The following PC variants were observed in gnomAD, a reference collection of about 807,000 sequenced individuals.
The protein encoded by PC is pyruvate carboxylase, mitochondrial.
A neutral mutation model predicts 107.8 loss-of-function variants in PC; 46 were observed. The ratio of observed to expected loss-of-function variants is 0.43; its 90% confidence interval spans 0.34 to 0.55. The LOEUF is 0.55. PC is among the 20% of genes least tolerant of loss of function. The probability of loss-of-function intolerance (pLI) is 0.04; values close to 1 mark genes in which losing one functional copy is unlikely to be tolerated. For missense variants in PC, 1,241 were observed against 1,643.1 expected, an observed-to-expected ratio of 0.76 and a Z score of 4.23; for synonymous variants, 662 against 684.7, an observed-to-expected ratio of 0.97 and a Z score of 0.52.
chr11:66,949,892 G>A (rs191201484), intron 3 of PC, among the ~76,000 whole-genome samples: 52 of 152,168 alleles, frequency 3.4e-4, no homozygotes, highest in Non-Finnish European at 4.7e-4. Context: ...AAATCCAGGG[G>A]TAGGAGTGGG....
intron 3 of PC, among the ~76,000 whole-genome samples, chr11:66,904,456 C>T (rs7930711): frequency 0.91 from 139,092 of 152,244 alleles, 63,719 homozygotes; most frequent in South Asian, 0.96. Context: ...CTGGGCAATA[C>T]GGTGAAACTC....
At chr11:66,890,119 C>T (rs1046603740) in intron 3 of PC, among the ~76,000 whole-genome samples, 3 of 152,094 alleles carry the variant, frequency 2.0e-5, no homozygotes, top group Non-Finnish European at 2.9e-5. Context: ...GGTGGGGCCT[C>T]GGGGAGAAGA....
intron 3 of PC, among the ~76,000 whole-genome samples, chr11:66,898,900 G>A (rs745505351): frequency 2.6e-5 from 4 of 151,710 alleles, no homozygotes; most frequent in Non-Finnish European, 4.4e-5. Flanking sequence ...ATGGAGTTTC[G>A]CTCTTGTTGC....
chr11:66,908,614 G>A (rs1948238459), intron 3 of PC, among the ~76,000 whole-genome samples: 1 of 152,166 alleles, frequency 6.6e-6, no homozygotes, highest in African/African-American at 2.4e-5. Context: ...CCTTGGAGGA[G>A]GCACAGTCAA....
At chr11:66,920,648 C>A (rs1948572207) in intron 3 of PC, among the ~76,000 whole-genome samples, 2 of 152,168 alleles carry the variant, frequency 1.3e-5, no homozygotes, top group Admixed American at 6.6e-5. Flanking sequence ...TCCAAGCAGC[C>A]TCCCCGCCTT....
rs753688182 is a variant in PC, at chr11:66,858,645, C to T, written c.1368+5129G>A. The stretch of plus-strand genomic sequence containing the variant: ...GCTGGAAGGCCAGCGGGCCACGCTG[C>T]GGTGCCGGGCCCTGGGTGACCCCGC... On this transcript the variant is annotated intron_variant, in intron 12 of 22. Transcript: ENST00000393960. This position sits in a 1 kb window ranked among gnomAD's most constrained non-coding sequence, Gnocchi z 5.9. 37 of 1,539,394 alleles carry T rather than the reference C, an allele frequency of 2.4e-5. No homozygotes were observed. Among genetic ancestry groups the T allele is most frequent in the Non-Finnish European group, 1.2e-5 (14 of 1,143,658 alleles).
chr11:66,878,079 G>A (rs770457488), intron 3 of PC, among the ~76,000 whole-genome samples: 8 of 152,160 alleles, frequency 5.3e-5, no homozygotes, highest in Non-Finnish European at 1.2e-4. Context: ...GGGAGCTCCT[G>A]CTACACCGAC....
chr11:66,895,354 C>T (rs1193851896), intron 3 of PC, among the ~76,000 whole-genome samples: 1 of 152,188 alleles, frequency 6.6e-6, no homozygotes, highest in East Asian at 1.9e-4. Flanking sequence ...TCCCAGGCAG[C>T]ATTTTAGACC....
Position 66,857,591 on chromosome 11 carries a change from C to T in PC, c.1369-4208G>A, listed in dbSNP as rs1945942724. 2 of 780,446 alleles carry T rather than the reference C, an allele frequency of 2.6e-6. No homozygotes were observed. Among genetic ancestry groups the T allele is most frequent in the Non-Finnish European group, 2.0e-6 (1 of 503,448 alleles). The allele number at this position is 780,446 out of a possible 1,614,324, so 48.3% of individuals were successfully genotyped here. Reference sequence around the variant, plus strand: ...CTGGCCCTGCAGGCCCCAACCTTCCCTCATCTCTGGCGGCCCTCTTGGGCC... The same window carrying T: ...CTGGCCCTGCAGGCCCCAACCTTCCTTCATCTCTGGCGGCCCTCTTGGGCC... On this transcript the variant is annotated intron_variant, in intron 12 of 22. Coordinates refer to ENST00000393960, the MANE Select transcript of PC (RefSeq NM_001040716.2). The surrounding 1 kb of genome is among the most constrained non-coding windows in gnomAD (Gnocchi z 7.1).
chr11:66,875,491 A>C (rs1291211838), intron 3 of PC, among the ~76,000 whole-genome samples: 1 of 152,130 alleles, frequency 6.6e-6, no homozygotes, highest in Non-Finnish European at 1.5e-5. Context: ...GGGAGAGAAC[A>C]GCCTGGGAGA....
intron 3 of PC, among the ~76,000 whole-genome samples, chr11:66,910,991 G>T (rs2085324935): frequency 6.6e-6 from 1 of 152,196 alleles, no homozygotes; most frequent in Admixed American, 6.5e-5. Context: ...TTAGTTTCCT[G>T]ATCTATAAAA....
intron 11 of PC, among the ~76,000 whole-genome samples, chr11:66,865,693 C>T (rs912902049): frequency 6.6e-6 from 1 of 152,192 alleles, no homozygotes; most frequent in African/African-American, 2.4e-5. Context: ...CGGTCTCCCT[C>T]CTGTGCCGCC....
At chr11:66,907,402 G>A (rs775680473) in intron 3 of PC, among the ~76,000 whole-genome samples, 23 of 152,038 alleles carry the variant, frequency 1.5e-4, no homozygotes, top group African/African-American at 4.1e-4. Flanking sequence ...TGGCACACAC[G>A]TGTAATCCCA....
At chr11:66,878,745 C>A (rs367581173) in intron 3 of PC, among the ~76,000 whole-genome samples, 1 of 152,256 alleles carries the variant, frequency 6.6e-6, no homozygotes, top group South Asian at 2.1e-4. Flanking sequence ...CCCCGGGGCA[C>A]GGGAGCTCTT....
At chr11:66,932,569 C>T (rs1019237317) in intron 3 of PC, among the ~76,000 whole-genome samples, 1 of 152,130 alleles carries the variant, frequency 6.6e-6, no homozygotes, top group Non-Finnish European at 1.5e-5. Context: ...AATGTCCTTT[C>T]GGGGCCATAA....
rs191924145 is a variant in PC at position 66,883,805 on chromosome 11, G to A, written c.1-11646C>T. 2.8e-4 allele frequency among the ~76,000 whole-genome samples: 43 copies of A among 152,282 alleles called. No individual in the cohort carries two copies. The East Asian group carries it at 3.1e-3, about 11-fold the overall frequency. On this transcript the variant is annotated intron_variant, in intron 3 of 22. Transcript: ENST00000393960. ...TGGCATGAGGCTGTTAAGATTCACC[G>A]TGAGGCGTGGTGGCTCATGCTTGTA...
chr11:66,938,385 C>G (rs1158862332), intron 3 of PC, among the ~76,000 whole-genome samples: 1 of 152,100 alleles, frequency 6.6e-6, no homozygotes, highest in African/African-American at 2.4e-5. Context: ...CCACCACTCC[C>G]CAGCAATCTA....
At position 66,858,241 on chromosome 11, in the gene PC, G is replaced by C. The variant is rs746843059; in HGVS notation, c.1369-4858C>G. 3 of 1,612,352 alleles carry C rather than the reference G, an allele frequency of 1.9e-6. No homozygotes were observed. Among genetic ancestry groups the C allele is most frequent in the Admixed American group, 3.3e-5 (2 of 60,008 alleles). On this transcript the variant is annotated intron_variant, in intron 12 of 22. Transcript: ENST00000393960. This position sits in a 1 kb window ranked among gnomAD's most constrained non-coding sequence, Gnocchi z 5.9. ...CGGCAGGTGCCCTGGGCCGGCATCG[G>C]CGCCATGCCTGCCCTGCACACCCTC...
intron 3 of PC, among the ~76,000 whole-genome samples, chr11:66,931,066 A>G (rs571492971): frequency 5.3e-4 from 80 of 152,210 alleles, no homozygotes; most frequent in African/African-American, 1.6e-3. Flanking sequence ...GAACAAGAGA[A>G]TAAATATCAC....
Sources: allele counts gnomAD v4.1 joint callset (sites outside exome capture counted in the v4.1 genomes callset), GRCh38; gene constraint gnomAD v4.1.1; non-coding constraint Gnocchi (gnomAD v3.1); transcripts MANE v1.5; gene names NCBI Gene and HGNC (gene_info 2026-07-23, HGNC 2026-07-21).